KCNN2: variants seen among roughly 807,000 people sequenced by gnomAD.
The protein encoded by KCNN2 is small conductance calcium-activated potassium channel protein 2.
KCNN2 carries 24 observed loss-of-function variants against 55.5 expected under a neutral mutation model. The observed-to-expected ratio is 0.43, with a 90% CI of 0.31 to 0.61. The LOEUF is 0.61. KCNN2 is among the 20% of genes least tolerant of loss of function. KCNN2 has a pLI of 0.08. For missense variants in KCNN2, 754 were observed against 853.6 expected (o/e 0.88, Z 1.45); for synonymous variants, 431 against 336.1 (o/e 1.28, Z -3.09).
chr5:114,169,770 G>A (rs1215514255), intron 1 of KCNN2, among the ~76,000 whole-genome samples: 2 of 152,030 alleles, frequency 1.3e-5, no homozygotes, highest in Non-Finnish European at 2.9e-5. Context: ...GGAAACAGTT[G>A]GGATAAGTTA....
chr5:114,399,249 T>A (rs1758711535), intron 2 of KCNN2, among the ~76,000 whole-genome samples: 1 of 152,220 alleles, frequency 6.6e-6, no homozygotes, highest in African/African-American at 2.4e-5. Context: ...GGTTTTAACA[T>A]GATGGCCTGT....
intron 1 of KCNN2, among the ~76,000 whole-genome samples, chr5:114,211,319 A>G (rs569440670): frequency 1.3e-5 from 2 of 152,312 alleles, no homozygotes; most frequent in South Asian, 2.1e-4. Context: ...CTAAATGCCC[A>G]TTAATGGTGG....
intron 6 of KCNN2, among the ~76,000 whole-genome samples, chr5:114,493,108 CT>C (rs1428749216): frequency 6.6e-6 from 1 of 152,064 alleles, no homozygotes; most frequent in Non-Finnish European, 1.5e-5. Context: ...AATGTTTTGG[CT>C]TTTTCTCATA....
intron 2 of KCNN2, among the ~76,000 whole-genome samples, chr5:114,382,423 C>T (rs1306985604): frequency 6.6e-6 from 1 of 152,080 alleles, no homozygotes; most frequent in South Asian, 2.1e-4. Context: ...CCTAATTGTT[C>T]GATGTGTATA....
At chr5:114,334,407 T>C (rs769503568) in intron 2 of KCNN2, among the ~76,000 whole-genome samples, 1 of 151,814 alleles carries the variant, frequency 6.6e-6, no homozygotes, top group Non-Finnish European at 1.5e-5. Flanking sequence ...ATAAGTCCAG[T>C]AGAAAGTGGG....
intron 1 of KCNN2, among the ~76,000 whole-genome samples, chr5:114,086,085 T>C (rs1177721973): frequency 6.6e-6 from 1 of 152,144 alleles, no homozygotes; most frequent in South Asian, 2.1e-4. Flanking sequence ...GCATATTCTT[T>C]CTTCCTTTTC....
At chr5:114,407,153 G>A (rs1758961663) in intron 3 of KCNN2, among the ~76,000 whole-genome samples, 1 of 151,914 alleles carries the variant, frequency 6.6e-6, no homozygotes, top group South Asian at 2.1e-4. Flanking sequence ...CTGGGAACTT[G>A]GTGGACCTGT....
intron 1 of KCNN2, among the ~76,000 whole-genome samples, chr5:114,145,668 C>T (rs946705827): frequency 1.4e-4 from 21 of 148,534 alleles, no homozygotes; most frequent in African/African-American, 5.0e-4. Flanking sequence ...CAGAACCAGG[C>T]ATCCAAATAC....
At chr5:114,270,132 G>A (rs1207601228) in intron 2 of KCNN2, among the ~76,000 whole-genome samples, 1 of 152,176 alleles carries the variant, frequency 6.6e-6, no homozygotes, top group African/African-American at 2.4e-5. Flanking sequence ...TATTGAGACA[G>A]AAAGAATTTT....
At chr5:114,153,900 T>G (rs1288797767) in intron 1 of KCNN2, among the ~76,000 whole-genome samples, 1 of 152,150 alleles carries the variant, frequency 6.6e-6, no homozygotes, top group East Asian at 1.9e-4. Flanking sequence ...TGGTCTTGTT[T>G]TCCTCAATTG....
intron 2 of KCNN2, among the ~76,000 whole-genome samples, chr5:114,246,538 A>G (rs1754751395): frequency 6.6e-6 from 1 of 152,224 alleles, no homozygotes; most frequent in African/African-American, 2.4e-5. Flanking sequence ...ATTAATAATT[A>G]TACCAAGTTA....
chr5:114,157,799 GTCT>G (rs1752669186), intron 1 of KCNN2, among the ~76,000 whole-genome samples: 1 of 151,430 alleles, frequency 6.6e-6, no homozygotes, highest in Admixed American at 6.6e-5. Flanking sequence ...CTGCATAAAT[GTCT>G]TCTTTTGAGA....
chr5:114,139,177 T>C (rs2112502026), intron 1 of KCNN2, among the ~76,000 whole-genome samples: 1 of 152,332 alleles, frequency 6.6e-6, no homozygotes, highest in East Asian at 1.9e-4. Context: ...TTTGGAGTTT[T>C]CTGTCTTACT....
chr5:114,105,727 C>A (rs1017745271), intron 1 of KCNN2, among the ~76,000 whole-genome samples: 1 of 150,582 alleles, frequency 6.6e-6, no homozygotes, highest in Admixed American at 6.6e-5. Context: ...ATGAAATTTT[C>A]AGGAATTAAA....
intron 2 of KCNN2, among the ~76,000 whole-genome samples, chr5:114,258,597 C>T (rs1221850124): frequency 6.6e-6 from 1 of 152,010 alleles, no homozygotes; most frequent in East Asian, 1.9e-4. Context: ...GGAATTTATA[C>T]ATTTCTTCTA....
intron 2 of KCNN2, among the ~76,000 whole-genome samples, chr5:114,332,274 G>T (rs1463939794): frequency 6.6e-6 from 1 of 152,188 alleles, no homozygotes; most frequent in Non-Finnish European, 1.5e-5. Flanking sequence ...CCCACTGCCT[G>T]CATGGGATGT....
Position 114,351,311 on chromosome 5 carries a change from T to A in KCNN2, c.-184-9634T>A, listed in dbSNP as rs548168294. 7.2e-5 allele frequency among the ~76,000 whole-genome samples: 11 copies of A among 151,880 alleles called. No homozygotes were observed. In the East Asian group the frequency reaches 1.9e-3, roughly 27 times the overall value. ...GATGTTGACCTTGTATGTAGAAACC[T>A]GCTGATCCTGTTTATTAGTTCTAAG... is the stretch of plus-strand genomic sequence containing the variant. On this transcript the variant is annotated intron_variant, in intron 2 of 10. Transcript: ENST00000512097.
intron 1 of KCNN2, among the ~76,000 whole-genome samples, chr5:114,209,876 ACAGATTCCTTATTTG>A (rs1408033961): frequency 6.6e-6 from 1 of 152,150 alleles, no homozygotes; most frequent in Non-Finnish European, 1.5e-5. Context: ...CTCATTATTC[ACAGATTCCTTATTTG>A]TGAATTCACC....
upstream of KCNN2, among the ~76,000 whole-genome samples, chr5:114,358,659 T>C (rs975400547): frequency 9.5e-5 from 14 of 146,988 alleles, no homozygotes; most frequent in South Asian, 2.2e-4. Flanking sequence ...TCTTTTTTTT[T>C]CCCCCAATGT....
Sources: gnomAD v4.1 joint callset for allele counts (sites outside exome capture counted in the v4.1 genomes callset) on GRCh38, gnomAD v4.1.1 for gene constraint, MANE v1.5 for transcripts, NCBI Gene and HGNC (gene_info 2026-07-23, HGNC 2026-07-21) for gene names.